The following TIMP2 variants were observed in gnomAD, a reference collection of about 807,000 sequenced individuals.
TIMP2 encodes metalloproteinase inhibitor 2.
TIMP2 carries 5 observed loss-of-function variants against 24.3 expected under a neutral mutation model. That is an observed-to-expected ratio of 0.21 (90% CI 0.11 to 0.43). The LOEUF (loss-of-function observed/expected upper bound fraction) is 0.43. Ranked by LOEUF, TIMP2 falls within the 20% of genes least tolerant of loss-of-function variation. The pLI is 1.00. For synonymous variants in TIMP2, 130 were observed against 123.2 expected (o/e 1.06, Z -0.37); for missense variants, 221 against 297.5 (o/e 0.74, Z 1.89).
intron 1 of TIMP2, among the ~76,000 whole-genome samples, chr17:78,894,408 T>G (rs372243472): frequency 6.6e-6 from 1 of 151,932 alleles, no homozygotes. Context: ...GATCACACAA[T>G]TAGAATAGTG....
intron 1 of TIMP2, among the ~76,000 whole-genome samples, chr17:78,885,615 G>A (rs766517710): frequency 3.3e-5 from 5 of 152,248 alleles, no homozygotes; most frequent in African/African-American, 9.6e-5. Context: ...CAGGGGGCAG[G>A]CCCTGTGCAC....
In TIMP2 at chr17:78,922,800, C is replaced by CA. The variant is rs202043667; in HGVS notation, c.130+2158dup. ...CGCCATTGCACTCCAGCCTGCTCTCCAAAAAAAAAGAACAGGGAAATTTGG... is the reference window on the plus strand; with the variant it reads ...CGCCATTGCACTCCAGCCTGCTCTCCAAAAAAAAAAGAACAGGGAAATTTGG... On this transcript the variant is annotated intron_variant, in intron 1 of 4. Transcript: ENST00000262768. Among the ~76,000 whole-genome samples, 282 of 150,334 alleles carry CA rather than the reference C, an allele frequency of 1.9e-3. 3 individuals are homozygous for CA. In the South Asian group the frequency reaches 0.036, roughly 19 times the overall value.
chr17:78,891,539 G>C lies in TIMP2; in HGVS notation c.131-17620C>G. 6.4e-7 allele frequency: 1 copy of C among 1,550,992 alleles called. No individual in the cohort carries two copies. The highest frequency in any genetic ancestry group is 8.7e-7 in the Non-Finnish European group (1 of 1,147,096). On this transcript the variant is annotated intron_variant, in intron 1 of 4. Transcript: ENST00000262768. This position sits in a 1 kb window ranked among gnomAD's most constrained non-coding sequence, Gnocchi z 4.5. ...CGTGCACTGAGATGCTGGGGACACGGCTTCCCTTCTGCAGCTGGAATCAGC... is the reference window on the plus strand; with the variant it reads ...CGTGCACTGAGATGCTGGGGACACGCCTTCCCTTCTGCAGCTGGAATCAGC...
chr17:78,908,214 CCTGCTA>C (rs546026018), intron 1 of TIMP2, among the ~76,000 whole-genome samples: 2 of 152,282 alleles, frequency 1.3e-5, no homozygotes, highest in South Asian at 4.1e-4. Context: ...TAACCACGCC[CCTGCTA>C]CTGTATATAT....
rs1378577842 is a variant in TIMP2, at chr17:78,924,927, C to G, written c.130+32G>C. 2.5e-6 allele frequency: 3 copies of G among 1,206,386 alleles called. No individual in the cohort carries two copies. The highest frequency in any genetic ancestry group is 3.1e-6 in the Non-Finnish European group (3 of 963,934). 74.7% of individuals were successfully genotyped at this position (1,206,386 alleles called of 1,614,324 possible). On this transcript the variant is annotated intron_variant, in intron 1 of 4. Transcript: ENST00000262768. This position sits in a 1 kb window ranked among gnomAD's most constrained non-coding sequence, Gnocchi z 5.3. Reference sequence around the variant, plus strand: ...CTCGGGGTCGCGGGGGAGGTGGGGCCCCGCGCGGGGGCTGGGGTCGCCGCT... The same window carrying G: ...CTCGGGGTCGCGGGGGAGGTGGGGCGCCGCGCGGGGGCTGGGGTCGCCGCT...
At position 78,924,828 on chromosome 17, in the gene TIMP2, A is replaced by G; in HGVS notation, c.130+131T>C. 1 of 438,946 alleles carries G rather than the reference A, an allele frequency of 2.3e-6. No homozygotes were observed. The allele number at this position is 438,946 out of a possible 1,614,324, so 27.2% of individuals were successfully genotyped here. A position where few individuals can be genotyped will look rare whatever the true frequency, so the allele number is the denominator to read the frequency against. On this transcript the variant is annotated intron_variant, in intron 1 of 4. Transcript: ENST00000262768. This position sits in a 1 kb window ranked among gnomAD's most constrained non-coding sequence, Gnocchi z 5.3. ...TGGGCGTCCACTTGCAGGATTCGAG[A>G]AGGCGCCGAGGGACCAGGAGGCGGG...
rs575900041 is a variant in TIMP2, at chr17:78,887,536, C to T, written c.131-13617G>A. Among the ~76,000 whole-genome samples, 77 of 152,206 alleles carry T rather than the reference C, an allele frequency of 5.1e-4. 1 individual carries two copies. The highest frequency in any genetic ancestry group is 9.6e-4 in the Non-Finnish European group (65 of 68,004). The stretch of plus-strand genomic sequence containing the variant: ...AATAGCTGGGACTACAAGTGCGCGC[C>T]GCCACGCCCGGCTAATTTCCGTATT... On this transcript the variant is annotated intron_variant, in intron 1 of 4. Coordinates refer to ENST00000262768, the MANE Select transcript of TIMP2 (RefSeq NM_003255.5).
chr17:78,889,248 G>A (rs527458800), intron 1 of TIMP2, among the ~76,000 whole-genome samples: 1 of 152,334 alleles, frequency 6.6e-6, no homozygotes, highest in East Asian at 1.9e-4. Flanking sequence ...TGGCAGAAGA[G>A]AAGCTACCCA....
intron 1 of TIMP2, among the ~76,000 whole-genome samples, chr17:78,890,072 C>T (rs1291068232): frequency 6.6e-6 from 1 of 152,140 alleles, no homozygotes; most frequent in Non-Finnish European, 1.5e-5. Flanking sequence ...GTCGAGACTG[C>T]ACCACTGCAC....
intron 1 of TIMP2, among the ~76,000 whole-genome samples, chr17:78,883,935 C>A (rs764720407): frequency 1.1e-4 from 17 of 152,222 alleles, no homozygotes; most frequent in Non-Finnish European, 2.2e-4. Context: ...GCCTCCGGCT[C>A]GGCCCTTCCC....
intron 1 of TIMP2, among the ~76,000 whole-genome samples, chr17:78,901,546 G>A (rs547456297): frequency 6.6e-6 from 1 of 152,236 alleles, no homozygotes; most frequent in South Asian, 2.1e-4. Context: ...GTCCTAGGAA[G>A]AAAAGCCAAA....
chr17:78,889,063 G>A (rs548281222), intron 1 of TIMP2, among the ~76,000 whole-genome samples: 3 of 152,324 alleles, frequency 2.0e-5, no homozygotes, highest in African/African-American at 7.2e-5. Context: ...GAGTCTCATT[G>A]GAACCTGGCC....
chr17:78,870,659 C>T (rs1035782411), intron 3 of TIMP2, among the ~76,000 whole-genome samples: 1 of 152,078 alleles, frequency 6.6e-6, no homozygotes, highest in Non-Finnish European at 1.5e-5. Flanking sequence ...GAACAAAAGG[C>T]AAAAATGCTC....
chr17:78,899,867 C>CG (rs926161479), intron 1 of TIMP2: 2 of 152,194 alleles, frequency 1.3e-5, no homozygotes, highest in African/African-American at 4.8e-5. Flanking sequence ...GCCCAGCACC[C>CG]GGGCCACATA....
chr17:78,867,606 T>G (rs1361454135), intron 3 of TIMP2, among the ~76,000 whole-genome samples: 1 of 149,788 alleles, frequency 6.7e-6, no homozygotes, highest in Admixed American at 6.6e-5. Context: ...TTTTTTTTTT[T>G]TTTTTTTGAG....
At chr17:78,881,921 G>A (rs1380266503) in intron 1 of TIMP2, among the ~76,000 whole-genome samples, 1 of 152,208 alleles carries the variant, frequency 6.6e-6, no homozygotes, top group Non-Finnish European at 1.5e-5. Flanking sequence ...CTTTTGGGTG[G>A]ATGTAATGAC....
At chr17:78,860,071 G>T (rs565226442) in intron 3 of TIMP2, among the ~76,000 whole-genome samples, 7 of 152,132 alleles carry the variant, frequency 4.6e-5, no homozygotes, top group Non-Finnish European at 8.8e-5. Flanking sequence ...AGCTACTCAG[G>T]AGGCTGAGGC....
intron 1 of TIMP2, among the ~76,000 whole-genome samples, chr17:78,882,326 C>T (rs1349253351): frequency 6.6e-6 from 1 of 152,196 alleles, no homozygotes; most frequent in African/African-American, 2.4e-5. Flanking sequence ...CCAGGGGCCC[C>T]TCTGCCCCAG....
intron 4 of TIMP2, 144 bp downstream of exon 4, chr17:78,857,378 G>C (rs983608975): frequency 1.8e-6 from 2 of 1,136,120 alleles, no homozygotes; most frequent in African/African-American, 3.1e-5. Context: ...CTTACTCTTG[G>C]GATGACTCTA....
Sources: gnomAD v4.1 joint callset for allele counts (sites outside exome capture counted in the v4.1 genomes callset) on GRCh38, gnomAD v4.1.1 for gene constraint, Gnocchi (gnomAD v3.1) non-coding constraint, MANE v1.5 for transcripts, NCBI Gene and HGNC (gene_info 2026-07-23, HGNC 2026-07-21) for gene names.